The following CNTN5 variants were observed in gnomAD, a reference collection of about 807,000 sequenced individuals.
The protein encoded by CNTN5 is contactin-5.
A neutral mutation model predicts 129.1 loss-of-function variants in CNTN5; 77 were observed. The observed-to-expected ratio is 0.60, with a 90% CI of 0.50 to 0.72. CNTN5 has a LOEUF of 0.72. Among genes scored for constraint, CNTN5 ranks in the 30% least tolerant of loss-of-function variants. CNTN5 has a pLI of 0.00. For synonymous variants in CNTN5, 509 were observed against 465.6 expected, an observed-to-expected ratio of 1.09 and a Z score of -1.20; for missense variants, 1,478 against 1,328.8, an observed-to-expected ratio of 1.11 and a Z score of -1.75.
intron 7 of CNTN5, among the ~76,000 whole-genome samples, chr11:99,943,446 T>G (rs1950486929): frequency 6.6e-6 from 1 of 152,152 alleles, no homozygotes; most frequent in Admixed American, 6.5e-5. Context: ...CTTTGCAAGA[T>G]GGATAGATTG....
chr11:99,920,745 A>G (rs1015421950), intron 7 of CNTN5, among the ~76,000 whole-genome samples: 3 of 152,134 alleles, frequency 2.0e-5, no homozygotes, highest in Admixed American at 6.5e-5. Flanking sequence ...GGCCTTACTT[A>G]TAAGTACACT....
intron 3 of CNTN5, among the ~76,000 whole-genome samples, chr11:99,794,089 G>T (rs1224963017): frequency 1.3e-5 from 2 of 151,888 alleles, no homozygotes; most frequent in Admixed American, 6.6e-5. Context: ...TTTGAATCTG[G>T]GTGCTCCTGT....
intron 1 of CNTN5, among the ~76,000 whole-genome samples, chr11:99,180,884 T>G (rs1185301928): frequency 6.6e-6 from 1 of 152,202 alleles, no homozygotes; most frequent in Non-Finnish European, 1.5e-5. Context: ...AGATTCAATA[T>G]GCAGTAAATC....
chr11:99,924,743 A>G (rs556653757), intron 7 of CNTN5, among the ~76,000 whole-genome samples: 23 of 152,134 alleles, frequency 1.5e-4, no homozygotes, highest in South Asian at 4.1e-4. Flanking sequence ...TTTTCCTTCT[A>G]TTCATTTCAA....
chr11:100,235,910 G>T (rs539625989), intron 16 of CNTN5, among the ~76,000 whole-genome samples: 74 of 152,200 alleles, frequency 4.9e-4, no homozygotes, highest in Admixed American at 1.4e-3. Flanking sequence ...GGCACCACCT[G>T]CCAGGTCTGT....
At chr11:99,021,307 C>G (rs571245676) in intron 1 of CNTN5, 37 bp downstream of exon 1, 1 of 152,322 alleles carries the variant, frequency 6.6e-6, no homozygotes, top group Non-Finnish European at 1.5e-5. Flanking sequence ...TGACTGCGTT[C>G]TGTGATTGTG....
intron 8 of CNTN5, among the ~76,000 whole-genome samples, chr11:99,994,864 C>T (rs1565767536): frequency 6.6e-6 from 1 of 152,020 alleles, no homozygotes; most frequent in African/African-American, 2.4e-5. Context: ...CCACATCCTG[C>T]TATTCAAGTA....
intron 3 of CNTN5, among the ~76,000 whole-genome samples, chr11:99,690,788 G>A (rs1954008123): frequency 6.6e-6 from 1 of 152,030 alleles, no homozygotes; most frequent in Non-Finnish European, 1.5e-5. Flanking sequence ...GAGTTAGGGA[G>A]GATTCCTTCC....
intron 21 of CNTN5, among the ~76,000 whole-genome samples, chr11:100,329,081 G>C (rs139294267): frequency 6.6e-6 from 1 of 152,144 alleles, no homozygotes; most frequent in African/African-American, 2.4e-5. Flanking sequence ...GCTATTGGAG[G>C]GGGGCGTGGT....
chr11:100,034,641 C>T (rs188099928), intron 9 of CNTN5, among the ~76,000 whole-genome samples: 2 of 152,332 alleles, frequency 1.3e-5, no homozygotes, highest in Admixed American at 1.3e-4. Flanking sequence ...AACTGGAGCA[C>T]AGCCATGTCC....
intron 1 of CNTN5, among the ~76,000 whole-genome samples, chr11:99,315,729 G>A (rs926849546): frequency 6.7e-6 from 1 of 149,266 alleles, no homozygotes; most frequent in Non-Finnish European, 1.5e-5. Context: ...CAAAGTTTTA[G>A]AATGTAAATC....
chr11:99,456,525 A>G (rs1565596881), intron 2 of CNTN5, among the ~76,000 whole-genome samples: 2 of 152,140 alleles, frequency 1.3e-5, no homozygotes, highest in African/African-American at 4.8e-5. Flanking sequence ...CTAAACTGTC[A>G]TGTTTCTAAG....
chr11:99,284,635 G>A (rs1285685452), intron 1 of CNTN5, among the ~76,000 whole-genome samples: 1 of 130,504 alleles, frequency 7.7e-6, no homozygotes, highest in Admixed American at 7.7e-5. Flanking sequence ...GTGTGTGTGT[G>A]TGTGTGTGTG....
chr11:99,630,568 TAAAG>T (rs1385089514), intron 3 of CNTN5, among the ~76,000 whole-genome samples: 2 of 133,380 alleles, frequency 1.5e-5, no homozygotes, highest in African/African-American at 2.6e-5. Context: ...CCACATGTGA[TAAAG>T]AACACAAATT....
chr11:99,096,207 A>G (rs1311996970), intron 1 of CNTN5, among the ~76,000 whole-genome samples: 3 of 152,032 alleles, frequency 2.0e-5, no homozygotes, highest in Non-Finnish European at 1.5e-5. Context: ...TTGAAAAATA[A>G]TTGGTTTTAG....
chr11:99,458,278 A>G (rs1191580147), intron 2 of CNTN5, among the ~76,000 whole-genome samples: 1 of 151,904 alleles, frequency 6.6e-6, no homozygotes, highest in Non-Finnish European at 1.5e-5. Context: ...GTGAACATAA[A>G]AAGTGTTTTA....
chr11:100,051,091 G>A (rs147179058), intron 9 of CNTN5, among the ~76,000 whole-genome samples: 1 of 152,090 alleles, frequency 6.6e-6, no homozygotes, highest in African/African-American at 2.4e-5. Context: ...TCAATTATAA[G>A]AAGAACAAGA....
chr11:100,071,858 AT>A, intron 12 of CNTN5, 24 bp downstream of exon 12: 1 of 1,549,546 alleles, frequency 6.5e-7, no homozygotes, highest in Non-Finnish European at 8.7e-7. Flanking sequence ...AAGTGAATAA[AT>A]TGAAAAAAAA....
intron 3 of CNTN5, among the ~76,000 whole-genome samples, chr11:99,674,936 C>T (rs1284868278): frequency 6.6e-6 from 1 of 151,940 alleles, no homozygotes; most frequent in Non-Finnish European, 1.5e-5. Flanking sequence ...CTGTGGCTTG[C>T]CATGGATGTG....
Sources: gnomAD v4.1 joint callset for allele counts (sites outside exome capture counted in the v4.1 genomes callset) on GRCh38, gnomAD v4.1.1 for gene constraint, MANE v1.5 for transcripts, NCBI Gene and HGNC (gene_info 2026-07-23, HGNC 2026-07-21) for gene names.